TNNI3K: variants seen among roughly 807,000 people sequenced by gnomAD.
TNNI3K encodes TNNI3 interacting kinase.
A neutral mutation model predicts 114.5 loss-of-function variants in TNNI3K; 140 were observed. That is an observed-to-expected ratio of 1.22 (90% CI 1.07 to 1.41). TNNI3K has a LOEUF of 1.41. Ranked by LOEUF, TNNI3K falls within the 40% of genes most tolerant of loss-of-function variation. The probability of loss-of-function intolerance (pLI) is 0.00; values close to 1 mark genes in which losing one functional copy is unlikely to be tolerated. For missense variants in TNNI3K, 1,125 were observed against 1,007.6 expected, an observed-to-expected ratio of 1.12 and a Z score of -1.58; for synonymous variants, 347 against 347.5, an observed-to-expected ratio of 1.00 and a Z score of 0.02.
intron 21 of TNNI3K, chr1:74,469,237 G>A (rs1309620905): frequency 1.3e-5 from 2 of 152,544 alleles, no homozygotes; most frequent in Non-Finnish European, 2.9e-5. Flanking sequence ...TATGGGAACA[G>A]CCAACTATCC....
chr1:74,255,582 T>C (rs1655235055), intron 4 of TNNI3K, among the ~76,000 whole-genome samples: 1 of 152,250 alleles, frequency 6.6e-6, no homozygotes, highest in South Asian at 2.1e-4. Flanking sequence ...TGATTAATCC[T>C]CATACATCTT....
intron 17 of TNNI3K, among the ~76,000 whole-genome samples, chr1:74,404,375 A>C (rs1664514047): frequency 6.6e-6 from 1 of 152,110 alleles, no homozygotes; most frequent in African/African-American, 2.4e-5. Flanking sequence ...TGACAGCTTA[A>C]CTTTTCATAC....
At chr1:74,341,998 T>A (rs914436496) in intron 7 of TNNI3K, 48 of 152,008 alleles carry the variant, frequency 3.2e-4, no homozygotes, top group African/African-American at 9.2e-4. Context: ...CTGTTGAGAG[T>A]AAAAGTGTCA....
intron 5 of TNNI3K, among the ~76,000 whole-genome samples, chr1:74,308,903 G>A (rs967569160): frequency 6.6e-6 from 1 of 152,026 alleles, no homozygotes; most frequent in South Asian, 2.1e-4. Flanking sequence ...AAAACCTTGA[G>A]GAAATGGATA....
intron 23 of TNNI3K, among the ~76,000 whole-genome samples, chr1:74,508,338 A>G (rs548948039): frequency 1.3e-5 from 2 of 152,264 alleles, no homozygotes. Context: ...ATTTTGTACC[A>G]GATAACAGGC....
At chr1:74,376,914 C>G (rs1443031527) in intron 17 of TNNI3K, 1 of 151,912 alleles carries the variant, frequency 6.6e-6, no homozygotes, top group Admixed American at 6.6e-5. Flanking sequence ...TTAAACAAGA[C>G]TACCAATTAA....
intron 20 of TNNI3K, among the ~76,000 whole-genome samples, chr1:74,440,090 T>G (rs1320598901): frequency 6.6e-6 from 1 of 152,056 alleles, no homozygotes; most frequent in Non-Finnish European, 1.5e-5. Context: ...GTTTTTGTAT[T>G]ATATGCATAT....
chr1:74,241,684 T>C (rs1654225342), intron 2 of TNNI3K, among the ~76,000 whole-genome samples: 1 of 152,174 alleles, frequency 6.6e-6, no homozygotes, highest in Non-Finnish European at 1.5e-5. Context: ...TAGCCCTTTG[T>C]CAGATGAGTA....
chr1:74,359,537 T>G (rs1247082861), intron 11 of TNNI3K, among the ~76,000 whole-genome samples: 2 of 152,032 alleles, frequency 1.3e-5, no homozygotes, highest in Non-Finnish European at 2.9e-5. Context: ...TGGTATTTCT[T>G]ATTTATGGCT....
chr1:74,455,069 C>T (rs923417044), intron 20 of TNNI3K, among the ~76,000 whole-genome samples: 1 of 152,112 alleles, frequency 6.6e-6, no homozygotes, highest in East Asian at 1.9e-4. Flanking sequence ...GAATAGGTCG[C>T]TGACCAGGCC....
chr1:74,457,851 G>T (rs947953540), intron 20 of TNNI3K, among the ~76,000 whole-genome samples: 5 of 152,098 alleles, frequency 3.3e-5, no homozygotes, highest in Admixed American at 1.3e-4. Flanking sequence ...TAGTCATATT[G>T]CATTATGAGC....
At chr1:74,247,150 G>A (rs1244950449) in intron 2 of TNNI3K, among the ~76,000 whole-genome samples, 2 of 152,202 alleles carry the variant, frequency 1.3e-5, no homozygotes, top group East Asian at 3.9e-4. Flanking sequence ...GTGTGTCCGG[G>A]GTTTGTTCCT....
intron 23 of TNNI3K, among the ~76,000 whole-genome samples, chr1:74,528,579 A>G (rs192607930): frequency 1.3e-3 from 196 of 152,276 alleles, no homozygotes; most frequent in Admixed American, 4.4e-3. Flanking sequence ...GGATAATGGG[A>G]GCTAGGTTTC....
chr1:74,289,471 T>C (rs1557476993), intron 5 of TNNI3K, among the ~76,000 whole-genome samples: 1 of 125,752 alleles, frequency 8.0e-6, no homozygotes, highest in Non-Finnish European at 1.7e-5. Flanking sequence ...GAAGTCGAAC[T>C]CACCCATAGG....
At chr1:74,513,823 A>G (rs934329245) in intron 23 of TNNI3K, among the ~76,000 whole-genome samples, 9 of 152,238 alleles carry the variant, frequency 5.9e-5, no homozygotes, top group Non-Finnish European at 1.0e-4. Context: ...AAAGTTTCAC[A>G]AAAAGGAGAC....
chr1:74,266,558 C>T (rs1465233859), intron 4 of TNNI3K, among the ~76,000 whole-genome samples: 1 of 151,916 alleles, frequency 6.6e-6, no homozygotes, highest in Non-Finnish European at 1.5e-5. Context: ...TTAAAACCAC[C>T]AGAAGGTATA....
chr1:74,374,259 A>G (rs1662763588), intron 17 of TNNI3K: 1 of 151,970 alleles, frequency 6.6e-6, no homozygotes, highest in Non-Finnish European at 1.5e-5. Context: ...AAGGAGTAAG[A>G]AAGTAGTTAT....
At chr1:74,540,451 T>C in intron 24 of TNNI3K, 138 bp downstream of exon 24, 1 of 832,448 alleles carries the variant, frequency 1.2e-6, no homozygotes, top group South Asian at 2.0e-5. Flanking sequence ...AGTATAAAAT[T>C]TGATTTTATA....
chr1:74,392,087 T>A (rs1410088143), intron 17 of TNNI3K, among the ~76,000 whole-genome samples: 63 of 147,962 alleles, frequency 4.3e-4, no homozygotes, highest in Non-Finnish European at 4.2e-4. Context: ...TGCCTCAGCC[T>A]CCCAAGTTGA....
Sources: allele counts gnomAD v4.1 joint callset (sites outside exome capture counted in the v4.1 genomes callset), GRCh38; gene constraint gnomAD v4.1.1; transcripts MANE v1.5; gene names NCBI Gene and HGNC (gene_info 2026-07-23, HGNC 2026-07-21).